ATP2B1: variants seen among roughly 807,000 people sequenced by gnomAD.
ATP2B1 encodes the protein ATPase plasma membrane Ca2+ transporting 1.
ATP2B1 carries 14 observed loss-of-function variants against 124.2 expected under a neutral mutation model. The observed-to-expected ratio is 0.11, with a 90% CI of 0.07 to 0.18. ATP2B1 has a LOEUF of 0.18. ATP2B1 is among the 10% of genes least tolerant of loss of function. The probability of loss-of-function intolerance (pLI) is 1.00; values close to 1 mark genes in which losing one functional copy is unlikely to be tolerated. For missense variants in ATP2B1, 763 were observed against 1,466.1 expected, an observed-to-expected ratio of 0.52 and a Z score of 7.83; for synonymous variants, 449 against 492.4, an observed-to-expected ratio of 0.91 and a Z score of 1.17.
intron 11 of ATP2B1, among the ~76,000 whole-genome samples, chr12:89,619,117 A>G (rs1386598517): frequency 1.3e-5 from 2 of 152,226 alleles, no homozygotes; most frequent in African/African-American, 4.8e-5. Context: ...ACTGATCTGT[A>G]AAAGGACAGT....
intron 11 of ATP2B1, among the ~76,000 whole-genome samples, chr12:89,617,867 C>T (rs1168600923): frequency 6.6e-6 from 1 of 152,184 alleles, no homozygotes; most frequent in African/African-American, 2.4e-5. Flanking sequence ...TTACCCTAAT[C>T]ATTTTGATGT....
At chr12:89,640,570 C>T (rs1302361366) in intron 3 of ATP2B1, among the ~76,000 whole-genome samples, 2 of 152,150 alleles carry the variant, frequency 1.3e-5, no homozygotes, top group African/African-American at 2.4e-5. Context: ...TACAGTCTTA[C>T]GTGAGCCTAG....
chr12:89,620,190 T>A lies in ATP2B1; in HGVS notation c.1638A>T (p.Glu546Asp). The A allele has an allele frequency of 6.2e-7, 1 of 1,614,102 alleles. No individual in the cohort carries two copies. The highest frequency in any genetic ancestry group is 8.5e-7 in the Non-Finnish European group (1 of 1,179,988). The change falls in exon 11 of 21, where the codon GAA (glutamate) becomes GAT (aspartate). Residue 546 changes from glutamate (E) to aspartate (D), a missense_variant. Glu to Asp is a conservative substitution (Grantham distance 45). Transcript: ENST00000428670. The part of the protein sequence containing the change: ...GLPRHVGNKT[E>D]CALLGLLLDL... ...CCAAAAGAAGTCCCAACAAGGCACA[T>A]TCAGTTTTATTACCAACGTGACGAG...
chr12:89,658,674 C>G (rs969354208), intron 1 of ATP2B1, among the ~76,000 whole-genome samples: 5 of 131,294 alleles, frequency 3.8e-5, no homozygotes, highest in African/African-American at 5.9e-5. Context: ...GCTGTCAATC[C>G]TGGACATCAA....
At chr12:89,691,162 C>G (rs1026388439) in intron 1 of ATP2B1, among the ~76,000 whole-genome samples, 2 of 151,910 alleles carry the variant, frequency 1.3e-5, no homozygotes, top group Non-Finnish European at 1.5e-5. Flanking sequence ...TAAACTGATT[C>G]ATTTCTCTGT....
rs116184498 is a variant in ATP2B1, at chr12:89,642,894, C to T, written c.209-539G>A. 6.1e-3 allele frequency among the ~76,000 whole-genome samples: 932 copies of T among 152,136 alleles called. 15 individuals carry two copies. Among genetic ancestry groups the T allele is most frequent in the African/African-American group, 0.022 (911 of 41,518 alleles). On this transcript the variant is annotated intron_variant, in intron 2 of 20. Coordinates refer to ENST00000428670, the MANE Select transcript of ATP2B1 (RefSeq NM_001366521.1). Reference sequence around the variant, plus strand: ...TGCTGGGATTACAAATGTGAGCCACCATGCCTGGCCAGAACTGCTTATTTC... The same window carrying T: ...TGCTGGGATTACAAATGTGAGCCACTATGCCTGGCCAGAACTGCTTATTTC...
chr12:89,601,533 A>C (rs1228969592), intron 18 of ATP2B1, 100 bp from the exon 19 acceptor site: 4 of 663,232 alleles, frequency 6.0e-6, no homozygotes, highest in African/African-American at 3.8e-5. Context: ...CAAGGTGAAC[A>C]ACCACTATTC....
rs945436125 is a variant in ATP2B1, at chr12:89,589,306, C to T, written c.*1678G>A. 1 of 152,242 alleles carries T rather than the reference C, an allele frequency of 6.6e-6. No homozygotes were observed. The highest frequency in any genetic ancestry group is 2.4e-5 in the African/African-American group (1 of 41,306). 9.4% of individuals were successfully genotyped at this position (152,242 alleles called of 1,614,324 possible). A position where few individuals can be genotyped will look rare whatever the true frequency, so the allele number is the denominator to read the frequency against. ...ATTGTGTATCTGGTGAAATCTGGGCCCTAACACATGCCAGTTTCTAAAGGG... is the reference window on the plus strand; with the variant it reads ...ATTGTGTATCTGGTGAAATCTGGGCTCTAACACATGCCAGTTTCTAAAGGG... On this transcript the variant is annotated 3_prime_UTR_variant, in exon 21 of 21. Transcript: ENST00000428670.
chr12:89,679,769 T>C (rs977972567), intron 1 of ATP2B1, among the ~76,000 whole-genome samples: 3 of 152,108 alleles, frequency 2.0e-5, no homozygotes, highest in East Asian at 1.9e-4. Context: ...AAATCACCCA[T>C]AGAAAAGAAA....
chr12:89,702,818 G>A (rs1008250918), intron 1 of ATP2B1, among the ~76,000 whole-genome samples: 1 of 152,124 alleles, frequency 6.6e-6, no homozygotes, highest in African/African-American at 2.4e-5. Context: ...ATTGTTGGAA[G>A]TCACTGTACT....
At chr12:89,692,687 C>T (rs991309733) in intron 1 of ATP2B1, among the ~76,000 whole-genome samples, 1 of 152,088 alleles carries the variant, frequency 6.6e-6, no homozygotes, top group Non-Finnish European at 1.5e-5. Context: ...AGGAGGTGCT[C>T]CTTACAATTT....
chr12:89,625,127 G>A (rs898812097), intron 8 of ATP2B1, among the ~76,000 whole-genome samples: 1 of 151,898 alleles, frequency 6.6e-6, no homozygotes, highest in African/African-American at 2.4e-5. Flanking sequence ...AAATTAGCTG[G>A]GCATGGTGGT....
At chr12:89,619,864 A>G in intron 11 of ATP2B1, 135 bp downstream of exon 11, 1 of 1,154,632 alleles carries the variant, frequency 8.7e-7, no homozygotes, top group Non-Finnish European at 1.2e-6. Flanking sequence ...TGGATACCAT[A>G]AAATATGCTA....
intron 1 of ATP2B1, among the ~76,000 whole-genome samples, chr12:89,663,342 GCTA>G (rs1886919831): frequency 6.6e-6 from 1 of 152,144 alleles, no homozygotes; most frequent in African/African-American, 2.4e-5. Flanking sequence ...TTACACGCCT[GCTA>G]CATGGCAAAG....
In ATP2B1 at chr12:89,590,537, C is replaced by A. The variant is rs1873367654; in HGVS notation, c.*447G>T. 1 of 153,812 alleles carries A rather than the reference C, an allele frequency of 6.5e-6. No individual in the cohort carries two copies. The highest frequency in any genetic ancestry group is 6.5e-5 in the Admixed American group (1 of 15,486). The allele number at this position is 153,812 out of a possible 1,614,324, so 9.5% of individuals were successfully genotyped here. On this transcript the variant is annotated 3_prime_UTR_variant, in exon 21 of 21. Coordinates refer to ENST00000428670, the MANE Select transcript of ATP2B1 (RefSeq NM_001366521.1). ...AAAAAGTATCTACAAACCTTGTAAA[C>A]AGATCTGTATCATTTATAAACATAA...
chr12:89,597,430 A>G (rs1874843894), intron 20 of ATP2B1, among the ~76,000 whole-genome samples: 1 of 152,204 alleles, frequency 6.6e-6, no homozygotes, highest in Non-Finnish European at 1.5e-5. Context: ...TTTAAACTCT[A>G]AGGCAGTTTT....
intron 3 of ATP2B1, among the ~76,000 whole-genome samples, chr12:89,640,086 T>C (rs78622997): frequency 0.018 from 2,684 of 152,144 alleles, 66 homozygotes; most frequent in African/African-American, 0.06. Context: ...CATATATTAG[T>C]GCTCATAGAC....
intron 20 of ATP2B1, among the ~76,000 whole-genome samples, chr12:89,595,993 G>T (rs1045866576): frequency 2.0e-5 from 3 of 151,948 alleles, no homozygotes; most frequent in African/African-American, 7.3e-5. Flanking sequence ...ATATGTAACT[G>T]TGCATCAGAA....
intron 2 of ATP2B1, among the ~76,000 whole-genome samples, chr12:89,655,070 C>T (rs1341045635): frequency 4.6e-5 from 7 of 152,068 alleles, no homozygotes; most frequent in South Asian, 2.1e-4. Context: ...GGAAAACCTG[C>T]CACAAATACA....
Sources: gnomAD v4.1 joint callset for allele counts (sites outside exome capture counted in the v4.1 genomes callset) on GRCh38, gnomAD v4.1.1 for gene constraint, MANE v1.5 for transcripts, NCBI Gene and HGNC (gene_info 2026-07-23, HGNC 2026-07-21) for gene names.